The following MLIP variants were observed in gnomAD, a reference collection of about 807,000 sequenced individuals.
The protein encoded by MLIP is muscular LMNA-interacting protein.
MLIP carries 79 observed loss-of-function variants against 84.8 expected under a neutral mutation model. The ratio of observed to expected loss-of-function variants is 0.93; its 90% CI spans 0.78 to 1.12. The LOEUF (loss-of-function observed/expected upper bound fraction) is 1.12, where lower values mean the gene tolerates loss of function less well. Among genes scored for constraint, MLIP ranks in the 50% most tolerant of loss-of-function variants. The probability of loss-of-function intolerance (pLI) is 0.00; values close to 1 mark genes in which losing one functional copy is unlikely to be tolerated. For missense variants in MLIP, 1,257 were observed against 1,160.6 expected (o/e 1.08, Z -1.21); for synonymous variants, 504 against 463.0 (o/e 1.09, Z -1.14).
chr6:54,040,778 G>A (rs543269691), intron 1 of MLIP, among the ~76,000 whole-genome samples: 1 of 152,170 alleles, frequency 6.6e-6, no homozygotes, highest in Admixed American at 6.6e-5. Context: ...CATGGATGGA[G>A]CTGGAGGCCA....
intron 3 of MLIP, among the ~76,000 whole-genome samples, chr6:54,129,108 A>G (rs1043844994): frequency 1.3e-5 from 2 of 152,168 alleles, no homozygotes; most frequent in African/African-American, 2.4e-5. Flanking sequence ...AGGAATTTGG[A>G]CACTAGCATA....
At chr6:54,194,739 A>G (rs1315950874) in intron 10 of MLIP, among the ~76,000 whole-genome samples, 1 of 151,298 alleles carries the variant, frequency 6.6e-6, no homozygotes, top group African/African-American at 2.4e-5. Context: ...ATCACCTTGG[A>G]GTTAGTATGG....
intron 1 of MLIP, among the ~76,000 whole-genome samples, chr6:54,114,063 C>G (rs1162185229): frequency 1.3e-5 from 2 of 152,210 alleles, no homozygotes; most frequent in Non-Finnish European, 2.9e-5. Context: ...GGTCAGCCCT[C>G]TTTCTGACTA....
chr6:54,180,636 T>C (rs1776758156), intron 9 of MLIP, among the ~76,000 whole-genome samples: 1 of 152,226 alleles, frequency 6.6e-6, no homozygotes, highest in South Asian at 2.1e-4. Flanking sequence ...TGATGCATTC[T>C]GCAGTATGCC....
chr6:54,188,296 A>G (rs1051650250), intron 9 of MLIP, among the ~76,000 whole-genome samples: 6 of 152,184 alleles, frequency 3.9e-5, no homozygotes, highest in African/African-American at 1.4e-4. Flanking sequence ...AATTAACCTT[A>G]GCTTACTGTA....
intron 11 of MLIP, chr6:54,215,299 A>G: frequency 6.9e-7 from 1 of 1,440,876 alleles, no homozygotes; most frequent in Middle Eastern, 2.5e-4. Context: ...TTCAATGGCA[A>G]GAACATGGGC....
chr6:54,143,857 G>T (rs957430865), intron 4 of MLIP, among the ~76,000 whole-genome samples: 1 of 152,058 alleles, frequency 6.6e-6, no homozygotes, highest in Non-Finnish European at 1.5e-5. Context: ...GAAAATAAAT[G>T]AACAAATAAT....
At chr6:54,103,020 T>G (rs1269997492) in intron 1 of MLIP, among the ~76,000 whole-genome samples, 1 of 152,094 alleles carries the variant, frequency 6.6e-6, no homozygotes, top group East Asian at 1.9e-4. Context: ...TGATGTAAAT[T>G]AAAATATTCA....
chr6:54,133,462 T>C (rs2150472784), intron 3 of MLIP, among the ~76,000 whole-genome samples: 1 of 152,290 alleles, frequency 6.6e-6, no homozygotes, highest in South Asian at 2.1e-4. Flanking sequence ...CTCATGTAGC[T>C]GTACAGATTC....
chr6:54,215,586 TG>T, intron 11 of MLIP: 2 of 198,046 alleles, frequency 1.0e-5, no homozygotes, highest in Non-Finnish European at 1.9e-5. Context: ...TAACTATTAA[TG>T]TACTAGTTAC....
At chr6:54,197,487 T>A (rs773623450) in intron 10 of MLIP, among the ~76,000 whole-genome samples, 5 of 152,094 alleles carry the variant, frequency 3.3e-5, no homozygotes, top group African/African-American at 4.8e-5. Context: ...CTATTTGTCT[T>A]TCAGGCACTT....
In MLIP at chr6:54,124,924, C is replaced by T. The variant is rs1770796108; in HGVS notation, c.645+59C>T. On this transcript the variant is annotated intron_variant, in intron 3 of 13. Coordinates refer to ENST00000502396, the MANE Select transcript of MLIP (RefSeq NM_001281747.2). Reference sequence around the variant, plus strand: ...AAAAAAGCGTTTATGCACCCTTTGTCTTGGGCGGTCTGCAAAGGCCATCCT... The same window carrying T: ...AAAAAAGCGTTTATGCACCCTTTGTTTTGGGCGGTCTGCAAAGGCCATCCT... The T allele has an allele frequency of 4.1e-6, 6 of 1,471,310 alleles. No homozygotes were observed. The East Asian group carries it at 1.4e-4, about 34-fold the overall frequency. The allele number at this position is 1,471,310 out of a possible 1,614,324, so 91.1% of individuals were successfully genotyped here.
At chr6:54,019,024 T>G in exon 1 of MLIP, 1 of 1,607,746 alleles carries the variant, frequency 6.2e-7, no homozygotes, top group Admixed American at 1.7e-5. Flanking sequence ...TCATTCTCTT[T>G]CAATATGGAA....
chr6:54,190,477 T>C (rs956460633), intron 10 of MLIP, among the ~76,000 whole-genome samples: 1 of 152,212 alleles, frequency 6.6e-6, no homozygotes, highest in African/African-American at 2.4e-5. Context: ...TTTAATGTTA[T>C]ATAAATATTA....
chr6:54,227,205 C>T (rs1270186177), intron 11 of MLIP, among the ~76,000 whole-genome samples: 1 of 152,178 alleles, frequency 6.6e-6, no homozygotes. Context: ...AGACCTCCCA[C>T]CCATGCTTCT....
intron 13 of MLIP, among the ~76,000 whole-genome samples, chr6:54,264,928 C>G (rs1309247045): frequency 6.6e-6 from 1 of 152,058 alleles, no homozygotes. Flanking sequence ...CATAATAATG[C>G]AGAATGTAAC....
At position 54,259,089 on chromosome 6, in the gene MLIP, G is replaced by A. The variant is rs142465998; in HGVS notation, c.2976+1728G>A. On this transcript the variant is annotated intron_variant, in intron 13 of 13. Transcript: ENST00000502396. ...ATATTAATTTGCATGTTAAAATTCTGTATTTCTTCTGTTATTTTTGTCTTT... is the reference window on the plus strand; with the variant it reads ...ATATTAATTTGCATGTTAAAATTCTATATTTCTTCTGTTATTTTTGTCTTT... Among the ~76,000 whole-genome samples the A allele has an allele frequency of 2.4e-3, 367 of 151,812 alleles. 2 individuals are homozygous for A. The highest frequency in any genetic ancestry group is 4.2e-3 in the Non-Finnish European group (285 of 67,792).
intron 13 of MLIP, among the ~76,000 whole-genome samples, chr6:54,263,248 A>T (rs893918502): frequency 3.9e-5 from 6 of 152,016 alleles, no homozygotes; most frequent in Non-Finnish European, 7.4e-5. Context: ...TTGACCCCAG[A>T]TTCAACATTT....
intron 1 of MLIP, among the ~76,000 whole-genome samples, chr6:54,091,703 T>G (rs1251709733): frequency 6.6e-6 from 1 of 152,138 alleles, no homozygotes; most frequent in African/African-American, 2.4e-5. Flanking sequence ...TGAGAACAGC[T>G]CCCTGAGCTC....
Sources: allele counts gnomAD v4.1 joint callset (sites outside exome capture counted in the v4.1 genomes callset), GRCh38; gene constraint gnomAD v4.1.1; transcripts MANE v1.5; gene names NCBI Gene and HGNC (gene_info 2026-07-23, HGNC 2026-07-21).